CSMD1: variants seen among roughly 807,000 people sequenced by gnomAD.
The protein encoded by CSMD1 is CUB and sushi domain-containing protein 1.
In CSMD1, 213 loss-of-function variants were observed where a neutral mutation model predicts 417.5. The ratio of observed to expected loss-of-function variants is 0.51; its 90% confidence interval spans 0.46 to 0.57. The LOEUF (loss-of-function observed/expected upper bound fraction) is 0.57. CSMD1 is among the 20% of genes least tolerant of loss of function. The pLI, the probability that CSMD1 is intolerant of heterozygous loss-of-function variation, is 0.00. For synonymous variants in CSMD1, 2,862 were observed against 1,736.8 expected (o/e 1.65, Z -16.11); for missense variants, 6,923 against 4,529.7 (o/e 1.53, Z -15.17).
At chr8:3,891,131 C>G (rs1385827376) in intron 5 of CSMD1, among the ~76,000 whole-genome samples, 1 of 152,024 alleles carries the variant, frequency 6.6e-6, no homozygotes, top group African/African-American at 2.4e-5. Flanking sequence ...TCATTACAAC[C>G]TCCACCTCTT....
intron 1 of CSMD1, among the ~76,000 whole-genome samples, chr8:4,761,197 G>A (rs1477265620): frequency 6.6e-6 from 1 of 152,062 alleles, no homozygotes. Flanking sequence ...GCTGAAGGTT[G>A]GTGTCTACCA....
chr8:4,958,993 C>A (rs532149149), intron 1 of CSMD1, among the ~76,000 whole-genome samples: 1 of 152,112 alleles, frequency 6.6e-6, no homozygotes, highest in Non-Finnish European at 1.5e-5. Context: ...AACGTGAAAA[C>A]TTAAATCTTA....
intron 6 of CSMD1, among the ~76,000 whole-genome samples, chr8:3,726,940 G>A (rs1469522765): frequency 6.6e-6 from 1 of 152,130 alleles, no homozygotes; most frequent in Non-Finnish European, 1.5e-5. Context: ...AACAATTAAT[G>A]ACTAAACTCT....
At chr8:2,960,184 A>G (rs1803336115) in intron 62 of CSMD1, among the ~76,000 whole-genome samples, 1 of 152,232 alleles carries the variant, frequency 6.6e-6, no homozygotes, top group Non-Finnish European at 1.5e-5. Flanking sequence ...ATTTGGCATT[A>G]AATATTTATA....
chr8:3,732,529 C>G (rs1355749273), intron 6 of CSMD1, among the ~76,000 whole-genome samples: 1 of 136,310 alleles, frequency 7.3e-6, no homozygotes, highest in Non-Finnish European at 1.5e-5. Context: ...TGCTGAGACT[C>G]TGTATAATTT....
intron 2 of CSMD1, among the ~76,000 whole-genome samples, chr8:4,631,092 G>T (rs528950400): frequency 1.3e-3 from 199 of 152,310 alleles, no homozygotes; most frequent in Non-Finnish European, 1.5e-3. Context: ...GCCAGGTGCG[G>T]TGGCTCACAC....
chr8:3,693,222 G>A (rs1390281132), intron 7 of CSMD1, among the ~76,000 whole-genome samples: 3 of 152,136 alleles, frequency 2.0e-5, no homozygotes, highest in South Asian at 2.1e-4. Context: ...TGCTTGTCAC[G>A]ACAACAGGCA....
intron 5 of CSMD1, among the ~76,000 whole-genome samples, chr8:3,974,120 T>A (rs916093522): frequency 6.6e-6 from 1 of 152,156 alleles, no homozygotes; most frequent in South Asian, 2.1e-4. Flanking sequence ...TGTACCCACA[T>A]AATAGGTAGT....
chr8:4,759,897 G>C (rs1050106523), intron 1 of CSMD1, among the ~76,000 whole-genome samples: 2 of 152,144 alleles, frequency 1.3e-5, no homozygotes, highest in Non-Finnish European at 2.9e-5. Flanking sequence ...ATTTATAATA[G>C]CATGACTTAT....
At chr8:3,909,332 A>C (rs1808305100) in intron 5 of CSMD1, among the ~76,000 whole-genome samples, 2 of 152,142 alleles carry the variant, frequency 1.3e-5, no homozygotes, top group South Asian at 4.1e-4. Flanking sequence ...TCGTGTGGGC[A>C]TCCTTGCTGG....
At chr8:4,320,423 T>A (rs887679811) in intron 3 of CSMD1, among the ~76,000 whole-genome samples, 11 of 152,144 alleles carry the variant, frequency 7.2e-5, no homozygotes, top group African/African-American at 2.7e-4. Flanking sequence ...GTTTGTGACA[T>A]AGGTAGACAC....
intron 2 of CSMD1, among the ~76,000 whole-genome samples, chr8:4,580,294 C>G (rs1799350785): frequency 6.6e-6 from 1 of 152,158 alleles, no homozygotes; most frequent in Admixed American, 6.5e-5. Context: ...TCTCCATGCT[C>G]ATTAATTTAT....
chr8:4,191,820 A>G (rs998710714), intron 3 of CSMD1, among the ~76,000 whole-genome samples: 10 of 151,724 alleles, frequency 6.6e-5, no homozygotes, highest in African/African-American at 2.4e-4. Context: ...CTATCGAATG[A>G]TTTACAATAT....
At chr8:4,116,458 T>G (rs1054658533) in intron 3 of CSMD1, among the ~76,000 whole-genome samples, 3 of 133,404 alleles carry the variant, frequency 2.2e-5, no homozygotes, top group African/African-American at 9.2e-5. Flanking sequence ...GGTGCCTGAA[T>G]GGAACAAACG....
At chr8:3,823,232 T>C (rs1233540739) in intron 5 of CSMD1, among the ~76,000 whole-genome samples, 3 of 152,128 alleles carry the variant, frequency 2.0e-5, no homozygotes, top group Admixed American at 1.3e-4. Context: ...AGGTCAAAAA[T>C]AAATAAAATA....
At chr8:4,577,157 G>A (rs1477643181) in intron 2 of CSMD1, among the ~76,000 whole-genome samples, 1 of 151,148 alleles carries the variant, frequency 6.6e-6, no homozygotes, top group Non-Finnish European at 1.5e-5. Context: ...GGTTTTTTTT[G>A]CACTGATTTT....
chr8:4,408,357 G>T (rs1027338520), intron 3 of CSMD1, among the ~76,000 whole-genome samples: 1 of 152,150 alleles, frequency 6.6e-6, no homozygotes, highest in Non-Finnish European at 1.5e-5. Flanking sequence ...TGGAAAGGGC[G>T]TATCATCCTC....
intron 3 of CSMD1, among the ~76,000 whole-genome samples, chr8:4,079,883 C>T (rs565818864): frequency 6.6e-6 from 1 of 152,110 alleles, no homozygotes; most frequent in African/African-American, 2.4e-5. Flanking sequence ...TCTTCATAGG[C>T]TGGGGCAGAA....
chr8:3,477,934 G>T (rs1430159405), intron 11 of CSMD1, among the ~76,000 whole-genome samples: 1 of 152,160 alleles, frequency 6.6e-6, no homozygotes, highest in Non-Finnish European at 1.5e-5. Flanking sequence ...TATAAATCAA[G>T]CTGACTGAAA....
Sources: allele counts gnomAD v4.1 joint callset (sites outside exome capture counted in the v4.1 genomes callset), GRCh38; gene constraint gnomAD v4.1.1; transcripts MANE v1.5; gene names NCBI Gene and HGNC (gene_info 2026-07-23, HGNC 2026-07-21).